The following BEND7 variants were observed in gnomAD, a reference collection of about 807,000 sequenced individuals.
BEND7 encodes the protein BEN domain containing 7.
A neutral mutation model predicts 50.9 loss-of-function variants in BEND7; 28 were observed. The ratio of observed to expected loss-of-function variants is 0.55; its 90% confidence interval spans 0.41 to 0.75. The LOEUF is 0.75. Among genes scored for constraint, BEND7 ranks in the 30% least tolerant of loss-of-function variants. BEND7 has a pLI of 0.00. For synonymous variants in BEND7, 170 were observed against 183.9 expected (o/e 0.92, Z 0.61); for missense variants, 477 against 491.3 (o/e 0.97, Z 0.28).
At chr10:13,453,174 C>T (rs1479040764) in intron 6 of BEND7, among the ~76,000 whole-genome samples, 1 of 152,248 alleles carries the variant, frequency 6.6e-6, no homozygotes, top group African/African-American at 2.4e-5. Flanking sequence ...ACCCTTTGCA[C>T]ACCACACGAG....
At chr10:13,490,795 T>G (rs888238300) in intron 5 of BEND7, among the ~76,000 whole-genome samples, 1 of 152,086 alleles carries the variant, frequency 6.6e-6, no homozygotes, top group Non-Finnish European at 1.5e-5. Flanking sequence ...ATCCTATGAT[T>G]TTGTTTTTTT....
chr10:13,455,604 G>C (rs886875327), intron 6 of BEND7, among the ~76,000 whole-genome samples: 1 of 152,154 alleles, frequency 6.6e-6, no homozygotes, highest in African/African-American at 2.4e-5. Context: ...TGTGGCAGGA[G>C]AGAACAGGAT....
At chr10:13,496,334 G>A (rs536108833) in intron 4 of BEND7, among the ~76,000 whole-genome samples, 17 of 152,318 alleles carry the variant, frequency 1.1e-4, no homozygotes, top group South Asian at 4.1e-4. Context: ...GACAGAACAC[G>A]GCGGATTTCT....
intron 6 of BEND7, among the ~76,000 whole-genome samples, chr10:13,472,404 A>G (rs982739969): frequency 6.6e-6 from 1 of 151,912 alleles, no homozygotes; most frequent in Admixed American, 6.6e-5. Context: ...CTCAGGGCCG[A>G]TATCTGTCAT....
chr10:13,439,038 C>T (rs1835040741), downstream of BEND7: 9 of 869,712 alleles, frequency 1.0e-5, no homozygotes, highest in South Asian at 1.4e-4. Flanking sequence ...TCCACTCTTG[C>T]TGGGCAAAGG....
intron 5 of BEND7, among the ~76,000 whole-genome samples, chr10:13,485,257 G>A (rs1385718437): frequency 1.3e-5 from 2 of 152,088 alleles, no homozygotes; most frequent in African/African-American, 4.8e-5. Context: ...GTATTAGTAA[G>A]GTATTAATAA....
At chr10:13,519,050 G>A (rs923542879) in intron 2 of BEND7, among the ~76,000 whole-genome samples, 98 of 152,268 alleles carry the variant, frequency 6.4e-4, no homozygotes, top group African/African-American at 2.1e-3. Context: ...GTTAAGTTTC[G>A]GAGGAGGATC....
At chr10:13,450,970 C>T (rs1837542849) in intron 7 of BEND7, among the ~76,000 whole-genome samples, 4 of 151,962 alleles carry the variant, frequency 2.6e-5, no homozygotes, top group Admixed American at 2.6e-4. Flanking sequence ...TGCGTGCCTG[C>T]TTGCTGGTGG....
At chr10:13,506,492 T>A (rs1370436224) in intron 2 of BEND7, among the ~76,000 whole-genome samples, 1 of 152,094 alleles carries the variant, frequency 6.6e-6, no homozygotes, top group Non-Finnish European at 1.5e-5. Context: ...GAGCGCATAG[T>A]GAGGCCACCC....
intron 2 of BEND7, among the ~76,000 whole-genome samples, chr10:13,501,065 T>C (rs1237986349): frequency 2.0e-5 from 3 of 152,202 alleles, no homozygotes; most frequent in African/African-American, 7.2e-5. Context: ...AAGATGTCTG[T>C]AATATTGCAC....
At chr10:13,497,861 T>C (rs2077134984) in intron 3 of BEND7, among the ~76,000 whole-genome samples, 1 of 152,166 alleles carries the variant, frequency 6.6e-6, no homozygotes. Flanking sequence ...TTATATACCT[T>C]AAATCCTGTA....
chr10:13,449,823 G>A (rs1008101557), intron 7 of BEND7, among the ~76,000 whole-genome samples: 1 of 152,170 alleles, frequency 6.6e-6, no homozygotes, highest in Non-Finnish European at 1.5e-5. Context: ...GAACACGCTA[G>A]CTGCATGAAT....
At chr10:13,520,571 C>T (rs925945988) in intron 2 of BEND7, among the ~76,000 whole-genome samples, 2 of 152,130 alleles carry the variant, frequency 1.3e-5, no homozygotes, top group Admixed American at 6.5e-5. Flanking sequence ...GATCAGCCCA[C>T]GTGGGCAGAT....
At chr10:13,505,223 C>T (rs2077784225) in intron 2 of BEND7, among the ~76,000 whole-genome samples, 1 of 152,202 alleles carries the variant, frequency 6.6e-6, no homozygotes, top group African/African-American at 2.4e-5. Flanking sequence ...TCGATCCAGA[C>T]ATCAGCTTTA....
intron 7 of BEND7, among the ~76,000 whole-genome samples, chr10:13,451,414 T>C (rs1277551660): frequency 6.6e-6 from 1 of 151,376 alleles, no homozygotes; most frequent in African/African-American, 2.4e-5. Context: ...TGTGTGTAGA[T>C]AGGGTCTCCA....
chr10:13,476,101 T>G (rs1278950253), intron 6 of BEND7, among the ~76,000 whole-genome samples: 1 of 152,232 alleles, frequency 6.6e-6, no homozygotes, highest in Admixed American at 6.5e-5. Context: ...CTATTCACTT[T>G]TTTTTTATTA....
At chr10:13,496,554 A>G (rs2077032656) in intron 4 of BEND7, among the ~76,000 whole-genome samples, 1 of 152,248 alleles carries the variant, frequency 6.6e-6, no homozygotes, top group African/African-American at 2.4e-5. Flanking sequence ...ACATAATTAT[A>G]TGAGCTGTAT....
chr10:13,455,592 G>A (rs1459636402), intron 6 of BEND7, among the ~76,000 whole-genome samples: 1 of 152,090 alleles, frequency 6.6e-6, no homozygotes, highest in Non-Finnish European at 1.5e-5. Context: ...AGGGAGCAGT[G>A]GTGTGGCAGG....
chr10:13,466,744 T>A (rs953570303), intron 6 of BEND7, among the ~76,000 whole-genome samples: 11 of 151,908 alleles, frequency 7.2e-5, no homozygotes, highest in Non-Finnish European at 1.6e-4. Context: ...TCCCTCCACA[T>A]GTTACTGGGC....
Sources: allele counts gnomAD v4.1 joint callset (sites outside exome capture counted in the v4.1 genomes callset), GRCh38; gene constraint gnomAD v4.1.1; transcripts MANE v1.5; gene names NCBI Gene and HGNC (gene_info 2026-07-23, HGNC 2026-07-21).